The following GRM8 variants were observed in gnomAD, a reference collection of about 807,000 sequenced individuals.
GRM8 encodes the protein metabotropic glutamate receptor 8.
A neutral mutation model predicts 87.2 loss-of-function variants in GRM8; 47 were observed. The observed-to-expected ratio is 0.54, with a 90% CI of 0.43 to 0.69. GRM8 has a LOEUF of 0.69. Ranked by LOEUF, GRM8 falls within the 30% of genes least tolerant of loss-of-function variation. GRM8 has a pLI of 0.00. For synonymous variants in GRM8, 396 were observed against 404.5 expected (o/e 0.98, Z 0.25); for missense variants, 1,019 against 1,139.2 (o/e 0.89, Z 1.52).
chr7:126,894,378 T>C (rs1801342746), intron 6 of GRM8, among the ~76,000 whole-genome samples: 1 of 152,022 alleles, frequency 6.6e-6, no homozygotes. Context: ...ATTCCAGAGA[T>C]TGTGTTTATT....
intron 7 of GRM8, among the ~76,000 whole-genome samples, chr7:126,713,291 C>T (rs1225713926): frequency 6.6e-6 from 1 of 152,122 alleles, no homozygotes; most frequent in Admixed American, 6.5e-5. Context: ...TTCATATCCT[C>T]TGCAGGGACA....
At chr7:126,710,466 T>C (rs1810990792) in intron 7 of GRM8, among the ~76,000 whole-genome samples, 1 of 152,226 alleles carries the variant, frequency 6.6e-6, no homozygotes, top group Non-Finnish European at 1.5e-5. Context: ...AAATCCTTTG[T>C]TGTCATTTCA....
chr7:126,560,651 C>A (rs932347537), intron 8 of GRM8, among the ~76,000 whole-genome samples: 2 of 152,082 alleles, frequency 1.3e-5, no homozygotes, highest in African/African-American at 2.4e-5. Context: ...ACAGATTTCT[C>A]CAAGAAGACC....
intron 3 of GRM8, among the ~76,000 whole-genome samples, chr7:126,937,098 A>G (rs1806415360): frequency 1.3e-5 from 2 of 152,174 alleles, no homozygotes; most frequent in African/African-American, 4.8e-5. Context: ...AAGCAGTACA[A>G]GGTAAGACTG....
At chr7:127,042,181 T>G (rs1400365302) in intron 3 of GRM8, among the ~76,000 whole-genome samples, 2 of 152,172 alleles carry the variant, frequency 1.3e-5, no homozygotes, top group Non-Finnish European at 2.9e-5. Flanking sequence ...AAGATTCCAT[T>G]TTCAGTCTGC....
Position 126,490,537 on chromosome 7 carries a change from C to T in GRM8, c.2430+42415G>A, listed in dbSNP as rs79695485. ...GAAATAGATCCTTAGAGAACAAGAA[C>T]TATGCCAATGGACAAACGTTCTAGC... On this transcript the variant is annotated intron_variant, in intron 9 of 10. Coordinates refer to ENST00000339582, the MANE Select transcript of GRM8 (RefSeq NM_000845.3). Among the ~76,000 whole-genome samples the T allele has an allele frequency of 7.4e-3, 1,132 of 152,122 alleles. 8 individuals are homozygous for T. The highest frequency in any genetic ancestry group is 0.026 in the African/African-American group (1,063 of 41,536).
At chr7:127,092,951 G>A (rs148455627) in intron 3 of GRM8, among the ~76,000 whole-genome samples, 19 of 152,244 alleles carry the variant, frequency 1.2e-4, no homozygotes, top group Admixed American at 2.6e-4. Context: ...CTCCTTCCTC[G>A]GTCCAGGCCT....
In GRM8 at chr7:126,776,310, C is replaced by A. The variant is rs150902402; in HGVS notation, c.1157-6245G>T. On this transcript the variant is annotated intron_variant, in intron 6 of 10. Coordinates refer to ENST00000339582, the MANE Select transcript of GRM8 (RefSeq NM_000845.3). ...AAATATGTTTTAGAGGCCAAATTGA[C>A]AGAATCTAACTATCTGATTAAATAT... 1.1e-3 allele frequency among the ~76,000 whole-genome samples: 171 copies of A among 152,162 alleles called. 1 individual carries two copies. Among genetic ancestry groups the A allele is most frequent in the African/African-American group, 4.0e-3 (166 of 41,544 alleles).
rs1554492201 is a variant in GRM8, at chr7:126,788,420, A to AACAAAAAAAAAAAACAAAACAAAAAAAAC, written c.1157-18356_1157-18355insGTTTTTTTTGTTTTGTTTTTTTTTTTTGT. Among the ~76,000 whole-genome samples, 5 of 81,132 alleles carry AACAAAAAAAAAAAACAAAACAAAAAAAAC rather than the reference A, an allele frequency of 6.2e-5. 1 individual carries two copies. Among genetic ancestry groups the AACAAAAAAAAAAAACAAAACAAAAAAAAC allele is most frequent in the South Asian group, 9.8e-4 (2 of 2,042 alleles). The allele number at this position is 81,132 out of a possible 152,430, so 53.2% of individuals were successfully genotyped here. A position where few individuals can be genotyped will look rare whatever the true frequency, so the allele number is the denominator to read the frequency against. ...GCAAGACTCCATCTCAAAAAAAAAA[A>AACAAAAAAAAAAAACAAAACAAAAAAAAC]AAACCCTTTCAGATATCTTTAACAT... is the stretch of plus-strand genomic sequence containing the variant. On this transcript the variant is annotated intron_variant, in intron 6 of 10. Transcript: ENST00000339582.
intron 2 of GRM8, among the ~76,000 whole-genome samples, chr7:127,218,260 T>C (rs1294508241): frequency 6.6e-6 from 1 of 152,212 alleles, no homozygotes; most frequent in Non-Finnish European, 1.5e-5. Context: ...GCCCCAACAG[T>C]GTTGAATCAC....
intron 8 of GRM8, among the ~76,000 whole-genome samples, chr7:126,601,976 C>T (rs1192237921): frequency 3.2e-5 from 4 of 125,636 alleles, no homozygotes; most frequent in African/African-American, 1.1e-4. Context: ...GTTGCCATTG[C>T]TTTTGGTGTT....
intron 2 of GRM8, among the ~76,000 whole-genome samples, chr7:127,175,034 C>T (rs1207042833): frequency 6.6e-6 from 1 of 152,044 alleles, no homozygotes; most frequent in African/African-American, 2.4e-5. Context: ...ATGGCAACTC[C>T]CTATTTGATA....
chr7:127,240,340 C>G (rs1307529301), intron 2 of GRM8, among the ~76,000 whole-genome samples: 1 of 151,898 alleles, frequency 6.6e-6, no homozygotes, highest in African/African-American at 2.4e-5. Context: ...CTGATGGAAG[C>G]CTTCCTGCAT....
At chr7:126,672,073 C>T (rs1052956879) in intron 7 of GRM8, among the ~76,000 whole-genome samples, 2 of 152,186 alleles carry the variant, frequency 1.3e-5, no homozygotes, top group African/African-American at 2.4e-5. Context: ...CTGATTTCTA[C>T]CGATTAAACC....
At chr7:127,017,230 A>T (rs1256640411) in intron 3 of GRM8, among the ~76,000 whole-genome samples, 1 of 152,110 alleles carries the variant, frequency 6.6e-6, no homozygotes, top group South Asian at 2.1e-4. Flanking sequence ...TATTTTAAGT[A>T]GCTAAGTTCT....
chr7:126,509,797 C>A (rs1355277847), intron 9 of GRM8, among the ~76,000 whole-genome samples: 1 of 151,922 alleles, frequency 6.6e-6, no homozygotes, highest in Non-Finnish European at 1.5e-5. Flanking sequence ...GAGAAATGGG[C>A]AGGAAAAGTC....
At chr7:126,987,529 C>T (rs1385712022) in intron 3 of GRM8, among the ~76,000 whole-genome samples, 2 of 151,800 alleles carry the variant, frequency 1.3e-5, no homozygotes, top group African/African-American at 4.8e-5. Flanking sequence ...GGTGCAATCT[C>T]GGCTTACTGC....
intron 10 of GRM8, among the ~76,000 whole-genome samples, chr7:126,439,609 A>G (rs1033776093): frequency 6.6e-6 from 1 of 152,166 alleles, no homozygotes; most frequent in South Asian, 2.1e-4. Context: ...TATACTTTTT[A>G]TCATTATTTT....
intron 9 of GRM8, among the ~76,000 whole-genome samples, chr7:126,483,221 C>T (rs1368190030): frequency 6.7e-6 from 1 of 150,214 alleles, no homozygotes; most frequent in Non-Finnish European, 1.5e-5. Flanking sequence ...ATTTTATGGT[C>T]TATTGAAGGG....
Sources: allele counts gnomAD v4.1 joint callset (sites outside exome capture counted in the v4.1 genomes callset), GRCh38; gene constraint gnomAD v4.1.1; transcripts MANE v1.5; gene names NCBI Gene and HGNC (gene_info 2026-07-23, HGNC 2026-07-21).